Variants in ZNF679 observed in about 807,000 individuals in gnomAD.
ZNF679 encodes the protein hypothetical protein MGC42415.
Under a neutral mutation model 13.4 loss-of-function variants are expected in ZNF679, and 10 were observed. The ratio of observed to expected loss-of-function variants is 0.75; its 90% CI spans 0.46 to 1.27. The LOEUF (loss-of-function observed/expected upper bound fraction) is 1.27, where lower values mean the gene tolerates loss of function less well. Ranked by LOEUF, ZNF679 falls within the 50% of genes most tolerant of loss-of-function variation. The pLI is 0.00. For synonymous variants in ZNF679, 179 were observed against 162.5 expected, an observed-to-expected ratio of 1.10 and a Z score of -0.77; for missense variants, 525 against 477.8, an observed-to-expected ratio of 1.10 and a Z score of -0.92.
At chr7:64,229,747 T>C (rs548506887) in intron 1 of ZNF679, among the ~76,000 whole-genome samples, 43 of 152,334 alleles carry the variant, frequency 2.8e-4, no homozygotes, top group African/African-American at 1.0e-3. Flanking sequence ...TTGCTGGGTC[T>C]ATGTATGAGA....
chr7:64,264,934 A>G (rs1788124317), intron 4 of ZNF679, among the ~76,000 whole-genome samples: 1 of 150,100 alleles, frequency 6.7e-6, no homozygotes, highest in South Asian at 2.1e-4. Context: ...TAATTCCATG[A>G]TTGTTTTGTT....
chr7:64,249,219 G>T lies in ZNF679; in HGVS notation c.39+63G>T, dbSNP rs376632500. On this transcript the variant is annotated intron_variant, in intron 2 of 4. Coordinates refer to ENST00000421025, the MANE Select transcript of ZNF679 (RefSeq NM_153363.3). ...GGCTGGTTGGAACCGGCTGAAAGTG[G>T]CTGTAGCAGGACCCAAACTTCCTCG... 7 of 1,613,630 alleles carry T rather than the reference G, an allele frequency of 4.3e-6. No individual in the cohort carries two copies. The African/African-American group carries it at 9.3e-5, about 22-fold the overall frequency.
At chr7:64,234,634 C>A (rs75026976) in intron 1 of ZNF679, among the ~76,000 whole-genome samples, 1 of 152,158 alleles carries the variant, frequency 6.6e-6, no homozygotes. Flanking sequence ...CTGACTTCAG[C>A]GTTGTGAAAA....
intron 1 of ZNF679, among the ~76,000 whole-genome samples, chr7:64,237,821 C>T (rs906589646): frequency 3.3e-5 from 5 of 152,148 alleles, no homozygotes; most frequent in African/African-American, 9.6e-5. Context: ...GATAAACCTA[C>T]TCATAAATTT....
rs1454815836 is a variant in ZNF679 at position 64,265,843 on chromosome 7, A to ATATC, written c.263-47_263-44dup. 1.9e-6 allele frequency: 3 copies of ATATC among 1,555,860 alleles called. No individual in the cohort carries two copies. In the African/African-American group the frequency reaches 4.1e-5, roughly 21 times the overall value. Reference sequence around the variant, plus strand: ...ATTTTATATATTCGATTTGTAAAGTATATCTATCTGGGTGTAGTAAGTGAA... The same window carrying ATATC: ...ATTTTATATATTCGATTTGTAAAGTATATCTATCTATCTGGGTGTAGTAAGTGAA... On this transcript the variant is annotated intron_variant, in intron 4 of 4. Transcript: ENST00000421025.
intron 1 of ZNF679, among the ~76,000 whole-genome samples, chr7:64,247,196 CTG>C (rs1357916852): frequency 5.3e-5 from 8 of 152,328 alleles, no homozygotes; most frequent in African/African-American, 1.7e-4. Context: ...CTACTGCAAA[CTG>C]TTTTATCAGC....
chr7:64,236,910 G>GAAAAAGAAAA (rs1491251990), intron 1 of ZNF679, among the ~76,000 whole-genome samples: 1 of 110,010 alleles, frequency 9.1e-6, no homozygotes, highest in Non-Finnish European at 1.9e-5. Context: ...AAGAAAAAAA[G>GAAAAAGAAAA]AAAGAAAGAA....
chr7:64,235,554 C>T (rs764691054), intron 1 of ZNF679, among the ~76,000 whole-genome samples: 11 of 151,636 alleles, frequency 7.3e-5, no homozygotes, highest in Admixed American at 1.3e-4. Flanking sequence ...TTTGAAAGGC[C>T]GATGTGGGTG....
Position 64,260,918 on chromosome 7 carries a change from C to G in ZNF679, c.251C>G (p.Thr84Ser). ...PWNIKRNEMV[T>S]KHPVMCSHFT... ...AATATAAAGAGAAATGAGATGGTAA[C>G]CAAACACCCAGGTAAGTGAGAGTGG... The change falls in exon 4 of 5, where the codon ACC (threonine) becomes AGC (serine). Residue 84 changes from threonine to serine, a missense_variant. Thr to Ser is a moderately conservative substitution (Grantham distance 58). Transcript: ENST00000421025. The G allele has an allele frequency of 1.2e-6, 2 of 1,609,884 alleles. No homozygotes were observed. Among genetic ancestry groups the G allele is most frequent in the Non-Finnish European group, 1.7e-6 (2 of 1,178,610 alleles).
intron 4 of ZNF679, 117 bp from the exon 5 acceptor site, chr7:64,265,779 G>A (rs1340902126): frequency 8.8e-7 from 1 of 1,133,994 alleles, no homozygotes; most frequent in African/African-American, 1.6e-5. Flanking sequence ...TATGGCCTGT[G>A]GTAATTTGAT....
intron 2 of ZNF679, among the ~76,000 whole-genome samples, chr7:64,256,834 A>T (rs1788011198): frequency 1.3e-5 from 2 of 151,376 alleles, no homozygotes; most frequent in Admixed American, 1.3e-4. Context: ...AGTAGGTGGG[A>T]TTGCAGGCAC....
In ZNF679 at chr7:64,260,757, T is replaced by C. The variant is rs149172382; in HGVS notation, c.167-77T>C. The C allele has an allele frequency of 7.4e-3, 10,469 of 1,408,134 alleles. 51 individuals carry two copies. The highest frequency in any genetic ancestry group is 8.9e-3 in the Non-Finnish European group (9,303 of 1,045,404). The allele number at this position is 1,408,134 out of a possible 1,614,324, so 87.2% of individuals were successfully genotyped here. On this transcript the variant is annotated intron_variant, in intron 3 of 4. Coordinates refer to ENST00000421025, the MANE Select transcript of ZNF679 (RefSeq NM_153363.3). ...TTCTAGAATTTTCTATTATATCCTC[T>C]TTACTAAGCATAATACTCGTTTGGT...
At position 64,266,058 on chromosome 7, in the gene ZNF679, A is replaced by G; in HGVS notation, c.425A>G (p.Asn142Ser). ...TGTGAGGTGCAAAAAGGAGGTTGTA[A>G]TGAAGTTAACCAATGTTTGTCAACT... ...GECEVQKGGC[N>S]EVNQCLSTTQ... Residue 142 changes from asparagine (N) to serine (S), a missense_variant, in exon 5 of 5, where the codon AAT (asparagine) becomes AGT (serine). By Grantham distance (46) the Asn-to-Ser change is conservative. Transcript: ENST00000421025. 6.2e-7 allele frequency: 1 copy of G among 1,613,482 alleles called. No homozygotes were observed. The highest frequency in any genetic ancestry group is 1.1e-5 in the South Asian group (1 of 91,064).
chr7:64,239,443 C>T (rs963685826), intron 1 of ZNF679, among the ~76,000 whole-genome samples: 1 of 152,146 alleles, frequency 6.6e-6, no homozygotes, highest in Non-Finnish European at 1.5e-5. Context: ...GGCCTTCCTG[C>T]AGATGTAACT....
chr7:64,261,130 C>T (rs1251575509), intron 4 of ZNF679, among the ~76,000 whole-genome samples: 6 of 152,120 alleles, frequency 3.9e-5, no homozygotes, highest in African/African-American at 1.4e-4. Flanking sequence ...ATTCTACTTT[C>T]GCTTCAGTAA....
At chr7:64,243,129 A>G (rs572157722) in intron 1 of ZNF679, among the ~76,000 whole-genome samples, 3 of 152,304 alleles carry the variant, frequency 2.0e-5, no homozygotes, top group East Asian at 3.9e-4. Flanking sequence ...TAGAATATGC[A>G]TGAGTGTGAT....
At chr7:64,239,092 A>T (rs1787761768) in intron 1 of ZNF679, among the ~76,000 whole-genome samples, 1 of 152,174 alleles carries the variant, frequency 6.6e-6, no homozygotes, top group Admixed American at 6.5e-5. Flanking sequence ...TCTTGTAGGA[A>T]CACACAGCCA....
intron 1 of ZNF679, among the ~76,000 whole-genome samples, chr7:64,231,450 G>C (rs1307329636): frequency 1.3e-5 from 2 of 152,226 alleles, no homozygotes; most frequent in Non-Finnish European, 2.9e-5. Flanking sequence ...GCCCAGGCAG[G>C]AAAAGAGAGT....
chr7:64,245,036 A>G (rs946458934), intron 1 of ZNF679, among the ~76,000 whole-genome samples: 1 of 151,486 alleles, frequency 6.6e-6, no homozygotes, highest in African/African-American at 2.4e-5. Flanking sequence ...TTTGTTTTTT[A>G]GCTTTTTGAG....
Sources: allele counts gnomAD v4.1 joint callset (sites outside exome capture counted in the v4.1 genomes callset), GRCh38; gene constraint gnomAD v4.1.1; transcripts MANE v1.5; gene names NCBI Gene and HGNC (gene_info 2026-07-23, HGNC 2026-07-21).